The following PDGFRA variants were observed in gnomAD, a reference collection of about 807,000 sequenced individuals.
PDGFRA encodes platelet-derived growth factor receptor alpha.
In PDGFRA, 25 loss-of-function variants were observed where a neutral mutation model predicts 121.5. The ratio of observed to expected loss-of-function variants is 0.21; its 90% CI spans 0.15 to 0.29. The LOEUF (loss-of-function observed/expected upper bound fraction) is 0.29, where lower values mean the gene tolerates loss of function less well. Among genes scored for constraint, PDGFRA ranks in the 10% least tolerant of loss-of-function variants. The pLI is 1.00. For missense variants in PDGFRA, 1,008 were observed against 1,345.1 expected (o/e 0.75, Z 3.92); for synonymous variants, 463 against 494.8 (o/e 0.94, Z 0.85).
At position 54,278,455 on chromosome 4, in the gene PDGFRA, A is replaced by C; in HGVS notation, c.2096A>C (p.Glu699Ala). The C allele has an allele frequency of 6.2e-7, 1 of 1,614,042 alleles. No homozygotes were observed. The highest frequency in any genetic ancestry group is 1.3e-5 in the African/African-American group (1 of 75,034). Residue 699 changes from glutamate to alanine, a missense_variant, in exon 15 of 23, where the codon GAG (glutamate) becomes GCG (alanine). Physicochemically the swap from Glu to Ala is moderately radical, Grantham distance 107. Transcript: ENST00000257290. ...NRDSFLSHHP[E>A]KPKKELDIFG... ...GATAGCTTCCTGAGCCACCACCCAG[A>C]GAAGCCAAAGAAAGAGCTGGATATC...
intron 1 of PDGFRA, among the ~76,000 whole-genome samples, chr4:54,245,191 A>G (rs1721565284): frequency 6.6e-6 from 1 of 152,214 alleles, no homozygotes; most frequent in Non-Finnish European, 1.5e-5. Flanking sequence ...AGGCAGGCCA[A>G]CATTCAGATT....
At chr4:54,249,900 T>C (rs1441136447) in intron 1 of PDGFRA, among the ~76,000 whole-genome samples, 2 of 152,156 alleles carry the variant, frequency 1.3e-5, no homozygotes. Flanking sequence ...AGAGCACTGA[T>C]CTACTCTGTA....
At chr4:54,232,749 T>C (rs1289307633) in intron 1 of PDGFRA, among the ~76,000 whole-genome samples, 1 of 152,154 alleles carries the variant, frequency 6.6e-6, no homozygotes, top group Non-Finnish European at 1.5e-5. Flanking sequence ...CACGCCAGGC[T>C]AATTTTTGTA....
intron 3 of PDGFRA, among the ~76,000 whole-genome samples, chr4:54,261,914 TA>T (rs1560467548): frequency 1.8e-3 from 111 of 60,622 alleles, no homozygotes; most frequent in African/African-American, 3.4e-3. Flanking sequence ...TATATATATA[TA>T]TATATATATA....
At chr4:54,236,878 C>A (rs527355257) in intron 1 of PDGFRA, among the ~76,000 whole-genome samples, 56 of 152,286 alleles carry the variant, frequency 3.7e-4, no homozygotes, top group African/African-American at 1.3e-3. Context: ...CAGGGAACCA[C>A]TGTTATCAGA....
intron 10 of PDGFRA, among the ~76,000 whole-genome samples, chr4:54,274,112 C>T (rs1431733066): frequency 1.3e-5 from 2 of 152,142 alleles, no homozygotes; most frequent in Non-Finnish European, 2.9e-5. Flanking sequence ...TCTTCTGTCT[C>T]ATTGCTCCTT....
intron 1 of PDGFRA, among the ~76,000 whole-genome samples, chr4:54,232,193 G>A (rs1488105061): frequency 6.6e-6 from 1 of 152,230 alleles, no homozygotes; most frequent in African/African-American, 2.4e-5. Flanking sequence ...AGGGTTCCCC[G>A]GGTCTAACTC....
At chr4:54,291,006 G>A (rs1724606872) in intron 22 of PDGFRA, among the ~76,000 whole-genome samples, 1 of 152,174 alleles carries the variant, frequency 6.6e-6, no homozygotes, top group African/African-American at 2.4e-5. Flanking sequence ...TGATCTACAA[G>A]CCTCACCCAA....
At chr4:54,292,066 G>T (rs374496875) in intron 22 of PDGFRA, among the ~76,000 whole-genome samples, 6 of 152,202 alleles carry the variant, frequency 3.9e-5, no homozygotes, top group African/African-American at 7.2e-5. Context: ...TTACAATGTT[G>T]GTTGGAGTGT....
rs758580911 is a variant in PDGFRA at position 54,264,984 on chromosome 4, G to A, written c.694G>A (p.Val232Met). 1 of 1,612,916 alleles carries A rather than the reference G, an allele frequency of 6.2e-7. No homozygotes were observed. The highest frequency in any genetic ancestry group is 8.5e-7 in the Non-Finnish European group (1 of 1,178,934). ...KTVYKSGETI[V>M]VTCAVFNNEV... Reference sequence around the variant, plus strand: ...CGTGTATAAGTCAGGGGAAACGATTGTGGTCACCTGTGCTGTTTTTAACAA... The same window carrying A: ...CGTGTATAAGTCAGGGGAAACGATTATGGTCACCTGTGCTGTTTTTAACAA... Residue 232 changes from valine to methionine, a missense_variant, in exon 5 of 23, where the codon GTG (valine) becomes ATG (methionine). Coordinates refer to ENST00000257290, the MANE Select transcript of PDGFRA (RefSeq NM_006206.6).
chr4:54,283,150 C>T (rs751697743), intron 16 of PDGFRA, among the ~76,000 whole-genome samples: 18 of 152,194 alleles, frequency 1.2e-4, no homozygotes, highest in Admixed American at 2.0e-4. Context: ...CGTAGCTTCA[C>T]GAGGCAGTGC....
intron 12 of PDGFRA, among the ~76,000 whole-genome samples, chr4:54,275,599 T>A (rs894787020): frequency 6.6e-6 from 1 of 152,152 alleles, no homozygotes; most frequent in African/African-American, 2.4e-5. Context: ...GAGGTAGAGG[T>A]TGTGTTATGA....
At position 54,292,432 on chromosome 4, in the gene PDGFRA, A is replaced by T. The variant is rs181532463; in HGVS notation, c.3122+1878A>T. Reference sequence around the variant, plus strand: ...CTAACACAGGAACAGAAAACCAAACACCACATGTTCTCACTTATAAGTGGG... The same window carrying T: ...CTAACACAGGAACAGAAAACCAAACTCCACATGTTCTCACTTATAAGTGGG... On this transcript the variant is annotated intron_variant, in intron 22 of 22. Coordinates refer to ENST00000257290, the MANE Select transcript of PDGFRA (RefSeq NM_006206.6). Among the ~76,000 whole-genome samples the T allele has an allele frequency of 3.7e-3, 567 of 152,272 alleles. 1 individual carries two copies. The highest frequency in any genetic ancestry group is 0.013 in the African/African-American group (555 of 41,542).
chr4:54,263,409 G>A (rs1231435487), intron 3 of PDGFRA, among the ~76,000 whole-genome samples: 2 of 152,118 alleles, frequency 1.3e-5, no homozygotes, highest in Admixed American at 6.6e-5. Flanking sequence ...ACAGGCATGA[G>A]CCACAACTCC....
At chr4:54,244,544 C>T (rs1577680158) in intron 1 of PDGFRA, among the ~76,000 whole-genome samples, 1 of 152,154 alleles carries the variant, frequency 6.6e-6, no homozygotes, top group Non-Finnish European at 1.5e-5. Flanking sequence ...ACAGAAAGGA[C>T]ATCCACACCA....
At chr4:54,237,716 C>T (rs1427942122) in intron 1 of PDGFRA, among the ~76,000 whole-genome samples, 1 of 152,226 alleles carries the variant, frequency 6.6e-6, no homozygotes, top group Non-Finnish European at 1.5e-5. Context: ...AGCCAGCCAG[C>T]ATTGTGTGAA....
intron 11 of PDGFRA, 78 bp from the exon 12 acceptor site, chr4:54,274,763 T>C (rs2110298430): frequency 6.5e-7 from 1 of 1,543,570 alleles, no homozygotes; most frequent in East Asian, 2.2e-5. Context: ...CTGTGTCCAG[T>C]CACTGTGCTG....
chr4:54,292,984 G>C (rs992175142), intron 22 of PDGFRA, among the ~76,000 whole-genome samples: 2 of 151,544 alleles, frequency 1.3e-5, no homozygotes, highest in African/African-American at 4.8e-5. Flanking sequence ...GCCATGACAT[G>C]TGATTTATCC....
intron 5 of PDGFRA, chr4:54,265,455 G>A: frequency 7.0e-6 from 2 of 285,888 alleles, no homozygotes; most frequent in South Asian, 3.8e-5. Flanking sequence ...ATCTGATAGT[G>A]TTGATTGCCC....
Sources: allele counts gnomAD v4.1 joint callset (sites outside exome capture counted in the v4.1 genomes callset), GRCh38; gene constraint gnomAD v4.1.1; transcripts MANE v1.5; gene names NCBI Gene and HGNC (gene_info 2026-07-23, HGNC 2026-07-21).